Variants in ROBO1 observed in about 807,000 individuals in gnomAD.
ROBO1 encodes roundabout homolog 1.
Under a neutral mutation model 195.9 loss-of-function variants are expected in ROBO1, and 149 were observed. The observed-to-expected ratio is 0.76, with a 90% CI of 0.67 to 0.87. The LOEUF is 0.87. Ranked by LOEUF, ROBO1 falls within the 40% of genes least tolerant of loss-of-function variation. ROBO1 has a pLI of 0.00. For synonymous variants in ROBO1, 816 were observed against 733.2 expected (o/e 1.11, Z -1.82); for missense variants, 1,933 against 2,068.3 (o/e 0.93, Z 1.27).
chr3:79,442,993 T>C (rs2107137694), intron 2 of ROBO1, among the ~76,000 whole-genome samples: 1 of 152,358 alleles, frequency 6.6e-6, no homozygotes, highest in South Asian at 2.1e-4. Context: ...AAACATTCTA[T>C]TAAGTTCAGA....
intron 1 of ROBO1, among the ~76,000 whole-genome samples, chr3:79,601,738 CTATTTACCAA>C (rs1264301056): frequency 2.6e-5 from 4 of 151,908 alleles, no homozygotes; most frequent in Admixed American, 1.3e-4. Flanking sequence ...GAAAAACATT[CTATTTACCAA>C]TATTTACCAG....
At chr3:79,311,311 T>C (rs1456468189) in intron 2 of ROBO1, among the ~76,000 whole-genome samples, 1 of 152,172 alleles carries the variant, frequency 6.6e-6, no homozygotes, top group Non-Finnish European at 1.5e-5. Flanking sequence ...CCATAAGGTA[T>C]GAAGCAATAT....
intron 3 of ROBO1, among the ~76,000 whole-genome samples, chr3:78,996,301 A>G (rs2077362825): frequency 1.4e-5 from 2 of 147,476 alleles, no homozygotes; most frequent in Non-Finnish European, 3.0e-5. Context: ...TGGCCAACAC[A>G]CTGAAACCCA....
At chr3:78,621,517 T>G (rs1430265332) in intron 26 of ROBO1, among the ~76,000 whole-genome samples, 1 of 152,144 alleles carries the variant, frequency 6.6e-6, no homozygotes, top group African/African-American at 2.4e-5. Context: ...TTTACAAATA[T>G]TGAAGAAAGA....
intron 2 of ROBO1, among the ~76,000 whole-genome samples, chr3:79,325,586 T>C (rs2034173725): frequency 1.3e-5 from 2 of 152,332 alleles, no homozygotes; most frequent in South Asian, 2.1e-4. Context: ...ACGTGGATTG[T>C]GAAGATTTCA....
At chr3:79,231,826 A>G (rs1005592926) in intron 2 of ROBO1, among the ~76,000 whole-genome samples, 4 of 152,136 alleles carry the variant, frequency 2.6e-5, no homozygotes, top group South Asian at 2.1e-4. Flanking sequence ...TTGCCCATCA[A>G]TGGGTAGACT....
At chr3:78,718,546 T>C (rs920274932) in intron 5 of ROBO1, among the ~76,000 whole-genome samples, 2 of 151,896 alleles carry the variant, frequency 1.3e-5, no homozygotes, top group African/African-American at 2.4e-5. Flanking sequence ...ATATAATTAA[T>C]TGAATAAAAA....
intron 2 of ROBO1, among the ~76,000 whole-genome samples, chr3:79,209,468 T>A (rs2081932515): frequency 2.6e-5 from 4 of 152,092 alleles, no homozygotes; most frequent in African/African-American, 9.7e-5. Flanking sequence ...CAAGTGTTTT[T>A]TTTATTTTTT....
chr3:79,283,196 C>T (rs1021092286), intron 2 of ROBO1, among the ~76,000 whole-genome samples: 5 of 152,132 alleles, frequency 3.3e-5, no homozygotes, highest in African/African-American at 1.2e-4. Flanking sequence ...TAGATGGGGA[C>T]ACTAAGTACT....
intron 4 of ROBO1, 148 bp downstream of exon 4, chr3:78,938,453 G>T (rs72906141): frequency 3.2e-6 from 2 of 628,318 alleles, no homozygotes; most frequent in East Asian, 5.7e-5. Context: ...ACAGAAAACC[G>T]AAATAGTAGA....
chr3:79,650,757 T>C lies in ROBO1; in HGVS notation c.-50-60796A>G, dbSNP rs146045924. 3.3e-3 allele frequency among the ~76,000 whole-genome samples: 499 copies of C among 152,008 alleles called. 3 individuals carry two copies. The highest frequency in any genetic ancestry group is 0.011 in the African/African-American group (447 of 41,552). On this transcript the variant is annotated intron_variant, in intron 1 of 30. Coordinates refer to ENST00000464233, the MANE Select transcript of ROBO1 (RefSeq NM_002941.4). ...GATATTGAGTAAAATAATAGTAATCTGAAGAAGCATACATATAGTGGCCTT... is the reference window on the plus strand; with the variant it reads ...GATATTGAGTAAAATAATAGTAATCCGAAGAAGCATACATATAGTGGCCTT...
chr3:79,024,900 C>A (rs774397829), intron 3 of ROBO1, among the ~76,000 whole-genome samples: 10 of 152,280 alleles, frequency 6.6e-5, no homozygotes, highest in Admixed American at 1.3e-4. Context: ...CACTTCTAAG[C>A]TTTTCTTCAT....
intron 3 of ROBO1, among the ~76,000 whole-genome samples, chr3:79,096,796 G>A (rs2079578664): frequency 6.6e-6 from 1 of 150,914 alleles, no homozygotes; most frequent in Non-Finnish European, 1.5e-5. Context: ...AAACAGCAAG[G>A]GAGCTGTCTT....
chr3:79,405,880 A>G (rs759711523), intron 2 of ROBO1, among the ~76,000 whole-genome samples: 1 of 152,198 alleles, frequency 6.6e-6, no homozygotes, highest in Non-Finnish European at 1.5e-5. Flanking sequence ...AATGGCTCCT[A>G]GATTTTCAAA....
rs535063775 is a variant in ROBO1 at position 78,963,181 on chromosome 3, T to A, written c.173-24254A>T. On this transcript the variant is annotated intron_variant, in intron 3 of 30. Transcript: ENST00000464233. ...CCTATCCTTCAAAACCTGATACAAA[T>A]CTTATAATCTAGGAGTTTGGTATTT... Among the ~76,000 whole-genome samples the A allele has an allele frequency of 1.2e-3, 186 of 152,046 alleles. 2 individuals are homozygous for A. Among genetic ancestry groups the A allele is most frequent in the Non-Finnish European group, 2.3e-3 (157 of 67,980 alleles).
intron 14 of ROBO1, among the ~76,000 whole-genome samples, chr3:78,663,300 C>G (rs1707538778): frequency 6.6e-6 from 1 of 150,836 alleles, no homozygotes; most frequent in Non-Finnish European, 1.5e-5. Context: ...TATACTTAAC[C>G]TAGAAATTAA....
chr3:79,669,355 A>T (rs1485937144), intron 1 of ROBO1, among the ~76,000 whole-genome samples: 5 of 151,862 alleles, frequency 3.3e-5, no homozygotes, highest in Non-Finnish European at 5.9e-5. Flanking sequence ...TTGTCTTCCC[A>T]GTCTCATACG....
chr3:78,892,818 T>C (rs528979066), intron 4 of ROBO1, among the ~76,000 whole-genome samples: 8 of 152,338 alleles, frequency 5.3e-5, no homozygotes, highest in Non-Finnish European at 8.8e-5. Context: ...ATTTGCCTGA[T>C]ATCATTTATA....
intron 1 of ROBO1, among the ~76,000 whole-genome samples, chr3:79,684,055 G>T (rs1429226058): frequency 6.6e-6 from 1 of 152,052 alleles, no homozygotes; most frequent in Non-Finnish European, 1.5e-5. Context: ...CGCCATTTTA[G>T]ATTCTCACCA....
Sources: allele counts gnomAD v4.1 joint callset (sites outside exome capture counted in the v4.1 genomes callset), GRCh38; gene constraint gnomAD v4.1.1; transcripts MANE v1.5; gene names NCBI Gene and HGNC (gene_info 2026-07-23, HGNC 2026-07-21).